Variants in KDM2A observed in about 807,000 individuals in gnomAD.
The protein encoded by KDM2A is lysine-specific demethylase 2A.
A neutral mutation model predicts 137.3 loss-of-function variants in KDM2A; 3 were observed. The observed-to-expected ratio is 0.02, with a 90% confidence interval of 0.01 to 0.06. The LOEUF is 0.06. Among genes scored for constraint, KDM2A ranks in the 10% least tolerant of loss-of-function variants. The pLI is 1.00. For missense variants in KDM2A, 738 were observed against 1,510.6 expected (o/e 0.49, Z 8.48); for synonymous variants, 512 against 541.5 (o/e 0.95, Z 0.76).
intron 2 of KDM2A, 105 bp from the exon 3 acceptor site, chr11:67,179,974 C>A: frequency 9.0e-7 from 1 of 1,113,968 alleles, no homozygotes; most frequent in Non-Finnish European, 1.3e-6. Context: ...AAAATAGCAA[C>A]TGAGTTTGAA....
In KDM2A at chr11:67,206,426, GTC is replaced by G. The variant is rs574508752; in HGVS notation, c.308-1081_308-1080del. ...CCAGCCTGGGTGACACAGCGAGACT[GTC>G]TCAAAATAAAATTAAAGAAATAAAT... On this transcript the variant is annotated intron_variant, in intron 5 of 20. Transcript: ENST00000529006. Among the ~76,000 whole-genome samples the G allele has an allele frequency of 4.6e-5, 7 of 151,722 alleles. No individual in the cohort carries two copies. The East Asian group carries it at 1.2e-3, about 25-fold the overall frequency.
At chr11:67,141,242 G>C (rs1363421632) in intron 2 of KDM2A, among the ~76,000 whole-genome samples, 1 of 151,994 alleles carries the variant, frequency 6.6e-6, no homozygotes, top group Non-Finnish European at 1.5e-5. Flanking sequence ...ATTGTTTTGG[G>C]GGTACATGTG....
intron 2 of KDM2A, among the ~76,000 whole-genome samples, chr11:67,153,847 CTG>C (rs1856454568): frequency 6.6e-6 from 1 of 151,172 alleles, no homozygotes; most frequent in African/African-American, 2.4e-5. Context: ...AAACAACCAA[CTG>C]TGTATATCTT....
At chr11:67,235,659 T>G (rs1444673412) in intron 12 of KDM2A, among the ~76,000 whole-genome samples, 1 of 151,634 alleles carries the variant, frequency 6.6e-6, no homozygotes, top group African/African-American at 2.4e-5. Flanking sequence ...TCTTGCTCTG[T>G]CACCTAGGCT....
chr11:67,136,952 G>A lies in KDM2A; in HGVS notation c.42+15594G>A, dbSNP rs2136289187. Among the ~76,000 whole-genome samples, 2 of 152,326 alleles carry A rather than the reference G, an allele frequency of 1.3e-5. 1 individual carries two copies. Among genetic ancestry groups the A allele is most frequent in the Middle Eastern group, 6.8e-3 (2 of 294 alleles). On this transcript the variant is annotated intron_variant, in intron 2 of 20. Transcript: ENST00000529006. ...AAGGTAAACATAGGCTGCAGTAACA[G>A]TATATGATAGAGTGAGCTAATCTAG...
At chr11:67,181,761 A>G in intron 4 of KDM2A, 85 bp from the exon 5 acceptor site, 1 of 1,003,712 alleles carries the variant, frequency 1.0e-6, no homozygotes, top group Non-Finnish European at 1.6e-6. Context: ...GTGTCTGGGG[A>G]GTACTCAGTA....
In KDM2A at chr11:67,125,208, G is replaced by A. The variant is rs190360661; in HGVS notation, c.42+3850G>A. 3.6e-3 allele frequency among the ~76,000 whole-genome samples: 526 copies of A among 147,052 alleles called. 3 individuals are homozygous for A. The highest frequency in any genetic ancestry group is 5.7e-3 in the Non-Finnish European group (380 of 66,536). On this transcript the variant is annotated intron_variant, in intron 2 of 20. Coordinates refer to ENST00000529006, the MANE Select transcript of KDM2A (RefSeq NM_012308.3). ...TTTTCTTTTTTTTTTATTTGAGATA[G>A]GGGTCTTTGTCGCCCAGTCTAGAGT...
At chr11:67,131,519 C>T (rs1386277720) in intron 2 of KDM2A, among the ~76,000 whole-genome samples, 1 of 148,294 alleles carries the variant, frequency 6.7e-6, no homozygotes, top group Non-Finnish European at 1.5e-5. Context: ...TCAGGCAATT[C>T]TCCTGCCTCA....
At chr11:67,215,018 T>G (rs898182655) in intron 6 of KDM2A, among the ~76,000 whole-genome samples, 1 of 152,152 alleles carries the variant, frequency 6.6e-6, no homozygotes, top group Admixed American at 6.5e-5. Context: ...GATTAAAAAA[T>G]AAAACAAATT....
intron 2 of KDM2A, among the ~76,000 whole-genome samples, chr11:67,156,782 A>AGGAGGCTGAGTCAGGAGAATCG (rs1856525366): frequency 1.3e-5 from 2 of 149,802 alleles, no homozygotes; most frequent in African/African-American, 4.9e-5. Flanking sequence ...CCAGCTACTG[A>AGGAGGCTGAGTCAGGAGAATCG]GGAGGCTGAG....
chr11:67,146,003 T>G lies in KDM2A; in HGVS notation c.42+24645T>G, dbSNP rs527611911. ...TTTTTGTTTTGTTTTTTTTTGTTTT[T>G]TTTTTTTGAGACAGAGTCTATCTCT... On this transcript the variant is annotated intron_variant, in intron 2 of 20. Transcript: ENST00000529006. Among the ~76,000 whole-genome samples the G allele has an allele frequency of 5.2e-4, 78 of 151,364 alleles. No homozygotes were observed. The South Asian group carries it at 0.016, about 30-fold the overall frequency.
intron 2 of KDM2A, among the ~76,000 whole-genome samples, chr11:67,138,181 G>A (rs1457969587): frequency 3.9e-5 from 6 of 152,098 alleles, no homozygotes; most frequent in Non-Finnish European, 7.4e-5. Context: ...GTATTTGACC[G>A]TGAGTCTCTT....
chr11:67,152,903 AGAGTGTGTGT>A (rs1211695011), intron 2 of KDM2A, among the ~76,000 whole-genome samples: 104 of 111,406 alleles, frequency 9.3e-4, no homozygotes, highest in Non-Finnish European at 2.0e-4. Flanking sequence ...TTACAGTGCC[AGAGTGTGTGT>A]GTGTGTGTGT....
At chr11:67,217,560 C>G (rs1331395387) in intron 8 of KDM2A, 171 bp from the exon 9 acceptor site, 2 of 623,816 alleles carry the variant, frequency 3.2e-6, no homozygotes, top group Non-Finnish European at 5.6e-6. Flanking sequence ...TAAGAAAGAT[C>G]TACTGCCTTG....
At chr11:67,177,818 C>CGG (rs1857002927) in intron 2 of KDM2A, among the ~76,000 whole-genome samples, 1 of 152,178 alleles carries the variant, frequency 6.6e-6, no homozygotes, top group Non-Finnish European at 1.5e-5. Flanking sequence ...GTATGTGCTA[C>CGG]ACTTTTACAT....
At chr11:67,252,582 TAGA>T in intron 17 of KDM2A, 109 bp from the exon 18 acceptor site, 2 of 1,183,156 alleles carry the variant, frequency 1.7e-6, no homozygotes, top group Admixed American at 2.0e-5. Flanking sequence ...TGTACACTTG[TAGA>T]AGAACGAGCC....
chr11:67,121,421 A>G, intron 2 of KDM2A, 63 bp downstream of exon 2: 1 of 1,488,402 alleles, frequency 6.7e-7, no homozygotes, highest in Non-Finnish European at 9.4e-7. Context: ...TTTTGTTTCC[A>G]GTTGTGAATA....
chr11:67,156,243 C>T (rs1221429910), intron 2 of KDM2A, among the ~76,000 whole-genome samples: 13 of 144,014 alleles, frequency 9.0e-5, no homozygotes, highest in African/African-American at 3.4e-4. Context: ...AGCAAAACTC[C>T]GTCTCAAAAA....
chr11:67,215,146 C>T (rs1858122000), intron 6 of KDM2A, among the ~76,000 whole-genome samples, 194 bp from the exon 7 acceptor site: 1 of 152,092 alleles, frequency 6.6e-6, no homozygotes, highest in African/African-American at 2.4e-5. Context: ...AATCTTTATT[C>T]TCATATAACA....
Sources: gnomAD v4.1 joint callset for allele counts (sites outside exome capture counted in the v4.1 genomes callset) on GRCh38, gnomAD v4.1.1 for gene constraint, MANE v1.5 for transcripts, NCBI Gene and HGNC (gene_info 2026-07-23, HGNC 2026-07-21) for gene names.